The following CHCHD6 variants were observed in gnomAD, a reference collection of about 807,000 sequenced individuals.
CHCHD6 encodes the protein MICOS complex subunit MIC25.
In CHCHD6, 28 loss-of-function variants were observed where a neutral mutation model predicts 32.3. That is an observed-to-expected ratio of 0.87 (90% CI 0.64 to 1.19). The LOEUF (loss-of-function observed/expected upper bound fraction) is 1.19, where lower values mean the gene tolerates loss of function less well. CHCHD6 is among the 50% of genes most tolerant of loss of function. The probability of loss-of-function intolerance (pLI) is 0.00; values close to 1 mark genes in which losing one functional copy is unlikely to be tolerated. For missense variants in CHCHD6, 333 were observed against 307.0 expected (o/e 1.08, Z -0.63); for synonymous variants, 122 against 117.5 (o/e 1.04, Z -0.25).
intron 4 of CHCHD6, among the ~76,000 whole-genome samples, chr3:126,753,678 C>T (rs977061273): frequency 5.3e-5 from 8 of 152,222 alleles, no homozygotes; most frequent in African/African-American, 1.4e-4. Flanking sequence ...GGTGTACAGG[C>T]GCATTGCCCA....
intron 4 of CHCHD6, among the ~76,000 whole-genome samples, chr3:126,824,650 G>T (rs925846925): frequency 6.7e-6 from 1 of 149,496 alleles, no homozygotes. Context: ...GAAATGGCAC[G>T]ATCTCGGCTC....
chr3:126,848,553 T>C (rs1941369513), intron 4 of CHCHD6, among the ~76,000 whole-genome samples: 1 of 152,224 alleles, frequency 6.6e-6, no homozygotes, highest in South Asian at 2.1e-4. Context: ...TTATTTTTGG[T>C]ATGCAATAGT....
intron 5 of CHCHD6, among the ~76,000 whole-genome samples, chr3:126,855,207 T>C (rs929496036): frequency 6.6e-6 from 1 of 152,130 alleles, no homozygotes; most frequent in Non-Finnish European, 1.5e-5. Context: ...GTGAGGGTCT[T>C]ATGGCACCTG....
At chr3:126,728,393 C>T (rs1440980154) in intron 2 of CHCHD6, among the ~76,000 whole-genome samples, 5 of 152,132 alleles carry the variant, frequency 3.3e-5, no homozygotes, top group Admixed American at 6.5e-5. Flanking sequence ...ATTGCAGGAG[C>T]GGAGGTCCGG....
chr3:126,789,980 G>A (rs1451252971), intron 4 of CHCHD6, among the ~76,000 whole-genome samples: 3 of 152,110 alleles, frequency 2.0e-5, no homozygotes, highest in East Asian at 1.9e-4. Context: ...TCCTTTCCAT[G>A]TTTAGTGCTT....
intron 5 of CHCHD6, among the ~76,000 whole-genome samples, chr3:126,909,390 A>G (rs1399332522): frequency 6.6e-6 from 1 of 152,090 alleles, no homozygotes; most frequent in Non-Finnish European, 1.5e-5. Flanking sequence ...TTCTGCTCAG[A>G]CACATTTTGT....
intron 4 of CHCHD6, among the ~76,000 whole-genome samples, chr3:126,834,636 T>C (rs1940780420): frequency 6.6e-6 from 1 of 152,166 alleles, no homozygotes; most frequent in African/African-American, 2.4e-5. Flanking sequence ...TTCTGTGTCA[T>C]TTATTCAGGG....
chr3:126,706,254 C>T (rs1434879048), intron 1 of CHCHD6, among the ~76,000 whole-genome samples: 1 of 152,098 alleles, frequency 6.6e-6, no homozygotes, highest in African/African-American at 2.4e-5. Context: ...AAGACAGGTA[C>T]ATTTCATTTC....
At chr3:126,852,911 A>G (rs1941524671) in intron 5 of CHCHD6, among the ~76,000 whole-genome samples, 181 bp downstream of exon 5, 2 of 152,184 alleles carry the variant, frequency 1.3e-5, no homozygotes, top group South Asian at 4.1e-4. Flanking sequence ...AGAGCCTTTC[A>G]ACAAGTTGCA....
intron 4 of CHCHD6, among the ~76,000 whole-genome samples, chr3:126,793,672 C>G (rs1438832027): frequency 1.3e-5 from 2 of 152,130 alleles, no homozygotes; most frequent in African/African-American, 4.8e-5. Context: ...TTTCTTCATT[C>G]CAAACATGTT....
At chr3:126,751,971 T>C (rs1233385191) in intron 4 of CHCHD6, among the ~76,000 whole-genome samples, 2 of 152,186 alleles carry the variant, frequency 1.3e-5, no homozygotes, top group East Asian at 3.9e-4. Flanking sequence ...GCCTCATGCA[T>C]AGTAAAATTC....
chr3:126,763,343 T>G (rs1463038386), intron 4 of CHCHD6, among the ~76,000 whole-genome samples: 1 of 138,952 alleles, frequency 7.2e-6, no homozygotes, highest in Non-Finnish European at 1.5e-5. Flanking sequence ...CCCCCTCCTC[T>G]TTCAACAAGG....
At chr3:126,937,508 G>A (rs1029403981) in intron 6 of CHCHD6, among the ~76,000 whole-genome samples, 2 of 152,238 alleles carry the variant, frequency 1.3e-5, no homozygotes, top group Non-Finnish European at 2.9e-5. Context: ...CTGTCCATGG[G>A]CTTTGGAGTC....
At chr3:126,765,264 G>C (rs1453403487) in intron 4 of CHCHD6, among the ~76,000 whole-genome samples, 1 of 152,158 alleles carries the variant, frequency 6.6e-6, no homozygotes, top group Non-Finnish European at 1.5e-5. Flanking sequence ...ACCCAAACCA[G>C]TCCAGACCCT....
chr3:126,913,428 T>C (rs1455449834), intron 5 of CHCHD6, among the ~76,000 whole-genome samples: 2 of 151,166 alleles, frequency 1.3e-5, no homozygotes. Flanking sequence ...AGAGATGGGG[T>C]TTTGCCATTT....
At chr3:126,751,797 G>C (rs1033593616) in intron 4 of CHCHD6, among the ~76,000 whole-genome samples, 2 of 152,142 alleles carry the variant, frequency 1.3e-5, no homozygotes, top group African/African-American at 4.8e-5. Flanking sequence ...TGTCCCTGCT[G>C]GTGATCCTGC....
At chr3:126,749,836 GGTTGTTTAGGAAATGT>G (rs1936655875) in intron 4 of CHCHD6, among the ~76,000 whole-genome samples, 1 of 152,248 alleles carries the variant, frequency 6.6e-6, no homozygotes, top group Non-Finnish European at 1.5e-5. Context: ...GCTAGTGACA[GGTTGTTTAGGAAATGT>G]CTAGACAGTG....
intron 4 of CHCHD6, among the ~76,000 whole-genome samples, chr3:126,776,139 G>T (rs1937640688): frequency 6.6e-6 from 1 of 152,114 alleles, no homozygotes; most frequent in Admixed American, 6.5e-5. Context: ...TGGTTGTCTT[G>T]GGTCTTCTTT....
chr3:126,766,231 GA>G (rs536202087), intron 4 of CHCHD6, among the ~76,000 whole-genome samples: 1 of 152,080 alleles, frequency 6.6e-6, no homozygotes, highest in Non-Finnish European at 1.5e-5. Context: ...ACATTAAAGG[GA>G]AAAAAACGTA....
Sources: allele counts gnomAD v4.1 joint callset (sites outside exome capture counted in the v4.1 genomes callset), GRCh38; gene constraint gnomAD v4.1.1; transcripts MANE v1.5; gene names NCBI Gene and HGNC (gene_info 2026-07-23, HGNC 2026-07-21).